LRRC4C: variants seen among roughly 807,000 people sequenced by gnomAD.
LRRC4C encodes the protein leucine-rich repeat-containing protein 4C.
LRRC4C carries 5 observed loss-of-function variants against 33.6 expected under a neutral mutation model. The observed-to-expected ratio is 0.15, with a 90% CI of 0.08 to 0.31. LRRC4C has a LOEUF of 0.31. LRRC4C is among the 10% of genes least tolerant of loss of function. The probability of loss-of-function intolerance (pLI) is 1.00; values close to 1 mark genes in which losing one functional copy is unlikely to be tolerated. For synonymous variants in LRRC4C, 329 were observed against 302.0 expected, an observed-to-expected ratio of 1.09 and a Z score of -0.93; for missense variants, 560 against 796.7, an observed-to-expected ratio of 0.70 and a Z score of 3.58.
chr11:40,418,413 C>T (rs1274584559), intron 3 of LRRC4C, among the ~76,000 whole-genome samples: 2 of 152,126 alleles, frequency 1.3e-5, no homozygotes, highest in African/African-American at 4.8e-5. Context: ...CAATGAGATA[C>T]CATCTAATGT....
chr11:40,547,657 T>A (rs1487713193), intron 3 of LRRC4C, among the ~76,000 whole-genome samples: 1 of 152,128 alleles, frequency 6.6e-6, no homozygotes, highest in African/African-American at 2.4e-5. Context: ...AAGTTAGAAC[T>A]CTACCTGAAT....
intron 2 of LRRC4C, among the ~76,000 whole-genome samples, chr11:40,830,358 G>T (rs758826661): frequency 2.6e-4 from 40 of 152,112 alleles, no homozygotes; most frequent in Admixed American, 4.6e-4. Flanking sequence ...GCCAACCAAA[G>T]CAGTATTATC....
chr11:40,952,166 A>C (rs1958721614), intron 1 of LRRC4C, among the ~76,000 whole-genome samples: 1 of 151,924 alleles, frequency 6.6e-6, no homozygotes, highest in Non-Finnish European at 1.5e-5. Flanking sequence ...TGAAATTAGC[A>C]ATGTGAGTGA....
At chr11:40,779,973 T>C (rs1452567372) in intron 2 of LRRC4C, among the ~76,000 whole-genome samples, 5 of 152,180 alleles carry the variant, frequency 3.3e-5, no homozygotes, top group East Asian at 1.9e-4. Context: ...AACATCACAA[T>C]GTATAGGCCT....
At chr11:40,762,038 C>G (rs1949241633) in intron 2 of LRRC4C, among the ~76,000 whole-genome samples, 1 of 152,148 alleles carries the variant, frequency 6.6e-6, no homozygotes, top group Non-Finnish European at 1.5e-5. Flanking sequence ...GGATCACTGT[C>G]ATTGCCAGAC....
chr11:40,620,971 A>AG (rs898437077), intron 3 of LRRC4C, among the ~76,000 whole-genome samples: 6 of 151,692 alleles, frequency 4.0e-5, no homozygotes, highest in Non-Finnish European at 8.9e-5. Flanking sequence ...CAGGCCTACA[A>AG]GCTTGTTTTT....
intron 1 of LRRC4C, among the ~76,000 whole-genome samples, chr11:41,222,021 A>C (rs891496194): frequency 2.0e-5 from 3 of 152,206 alleles, no homozygotes; most frequent in Non-Finnish European, 4.4e-5. Flanking sequence ...ACCAAATAAA[A>C]TCTCACCTTC....
intron 1 of LRRC4C, among the ~76,000 whole-genome samples, chr11:40,957,398 C>T (rs78494289): frequency 0.014 from 2,113 of 151,780 alleles, 57 homozygotes; most frequent in African/African-American, 0.049. Context: ...CCAATCAGGA[C>T]ACTTTAAGCC....
rs142505493 is a variant in LRRC4C, at chr11:41,204,995, T to G, written c.-496+254436A>C. Among the ~76,000 whole-genome samples the G allele has an allele frequency of 7.4e-3, 1,124 of 152,264 alleles. 5 individuals carry two copies. The highest frequency in any genetic ancestry group is 0.017 in the Middle Eastern group (5 of 294). On this transcript the variant is annotated intron_variant, in intron 1 of 6. Coordinates refer to ENST00000528697, the MANE Select transcript of LRRC4C (RefSeq NM_001258419.2). ...TGAGGAGATGATTTTGAATAAAGAC[T>G]TACAGTCTAAAAAGGATCACCAACC...
chr11:41,084,466 C>A (rs907586370), intron 1 of LRRC4C, among the ~76,000 whole-genome samples: 1 of 152,168 alleles, frequency 6.6e-6, no homozygotes, highest in Non-Finnish European at 1.5e-5. Flanking sequence ...TATCTTATTT[C>A]TGTGACTGAT....
At chr11:41,066,567 C>T (rs1353980867) in intron 1 of LRRC4C, among the ~76,000 whole-genome samples, 1 of 152,032 alleles carries the variant, frequency 6.6e-6, no homozygotes, top group Non-Finnish European at 1.5e-5. Context: ...ATACAGACAC[C>T]ACTAAGATAC....
At chr11:40,519,254 G>GT (rs913580991) in intron 3 of LRRC4C, among the ~76,000 whole-genome samples, 2 of 151,840 alleles carry the variant, frequency 1.3e-5, no homozygotes, top group African/African-American at 4.8e-5. Context: ...AAATCAAATA[G>GT]TTTTTTAAAA....
At chr11:40,743,802 C>G (rs958955527) in intron 2 of LRRC4C, among the ~76,000 whole-genome samples, 5 of 152,088 alleles carry the variant, frequency 3.3e-5, no homozygotes, top group African/African-American at 1.2e-4. Context: ...TCCTTCAACT[C>G]TCATTTTTTC....
chr11:40,287,537 A>G (rs1183496778), intron 4 of LRRC4C, among the ~76,000 whole-genome samples: 6 of 152,158 alleles, frequency 3.9e-5, no homozygotes, highest in Admixed American at 1.3e-4. Flanking sequence ...TTGCATTCAG[A>G]AAGTGTTATA....
chr11:40,617,807 T>G (rs1962014214), intron 3 of LRRC4C, among the ~76,000 whole-genome samples: 1 of 151,732 alleles, frequency 6.6e-6, no homozygotes, highest in Non-Finnish European at 1.5e-5. Context: ...CATTTTAGCA[T>G]CCCCTTTTCA....
intron 1 of LRRC4C, among the ~76,000 whole-genome samples, chr11:41,044,427 C>A (rs571290689): frequency 6.6e-6 from 1 of 152,076 alleles, no homozygotes; most frequent in African/African-American, 2.4e-5. Context: ...TTTATTTTGA[C>A]TGGTTTCTTG....
Position 41,172,783 on chromosome 11 carries a change from A to G in LRRC4C, c.-495-239060T>C, listed in dbSNP as rs140620064. On this transcript the variant is annotated intron_variant, in intron 1 of 6. Transcript: ENST00000528697. The stretch of plus-strand genomic sequence containing the variant: ...AAGTATTTTTAAAACTTGACTGAAT[A>G]AGTGATTAATGCAATTGATAGTTTC... Among the ~76,000 whole-genome samples, 4 of 152,316 alleles carry G rather than the reference A, an allele frequency of 2.6e-5. No individual in the cohort carries two copies. The East Asian group carries it at 7.7e-4, about 29-fold the overall frequency.
In LRRC4C at chr11:41,279,428, A is replaced by ACACACACACACC. The variant is rs58139193; in HGVS notation, c.-496+180002_-496+180003insGGTGTGTGTGTG. On this transcript the variant is annotated intron_variant, in intron 1 of 6. Coordinates refer to ENST00000528697, the MANE Select transcript of LRRC4C (RefSeq NM_001258419.2). The stretch of plus-strand genomic sequence containing the variant: ...CACACACACACACACACACACACAC[A>ACACACACACACC]CCGTGGCAATCACTGCCTGCAATGG... Among the ~76,000 whole-genome samples, 24 of 140,888 alleles carry ACACACACACACC rather than the reference A, an allele frequency of 1.7e-4. 1 individual carries two copies. The highest frequency in any genetic ancestry group is 2.2e-4 in the African/African-American group (8 of 36,808). 92.4% of individuals were successfully genotyped at this position (140,888 alleles called of 152,430 possible). A position where few individuals can be genotyped will look rare whatever the true frequency, so the allele number is the denominator to read the frequency against.
intron 3 of LRRC4C, among the ~76,000 whole-genome samples, chr11:40,547,976 T>C (rs1430294468): frequency 1.3e-5 from 2 of 152,122 alleles, no homozygotes; most frequent in African/African-American, 4.8e-5. Context: ...CATAAGGCTT[T>C]TAATCTACCA....
Sources: allele counts gnomAD v4.1 joint callset (sites outside exome capture counted in the v4.1 genomes callset), GRCh38; gene constraint gnomAD v4.1.1; transcripts MANE v1.5; gene names NCBI Gene and HGNC (gene_info 2026-07-23, HGNC 2026-07-21).